SHISA6: variants seen among roughly 807,000 people sequenced by gnomAD.
The protein encoded by SHISA6 is protein shisa-6.
Under a neutral mutation model 47.9 loss-of-function variants are expected in SHISA6, and 22 were observed. The observed-to-expected ratio is 0.46, with a 90% confidence interval of 0.33 to 0.66. The LOEUF is 0.66. Among genes scored for constraint, SHISA6 ranks in the 30% least tolerant of loss-of-function variants. The probability of loss-of-function intolerance (pLI) is 0.02; values close to 1 mark genes in which losing one functional copy is unlikely to be tolerated. For missense variants in SHISA6, 680 were observed against 764.6 expected (o/e 0.89, Z 1.30); for synonymous variants, 388 against 337.8 (o/e 1.15, Z -1.63).
chr17:11,269,128 A>G (rs1323628069), intron 2 of SHISA6, among the ~76,000 whole-genome samples: 2 of 150,222 alleles, frequency 1.3e-5, no homozygotes, highest in South Asian at 2.1e-4. Context: ...TGCAACCTCC[A>G]CCTCCTGGGT....
intron 3 of SHISA6, among the ~76,000 whole-genome samples, chr17:11,397,395 C>CTGTGTGTGTGTGTGTG (rs3034221): frequency 0.036 from 5,061 of 140,356 alleles, 114 homozygotes; most frequent in Non-Finnish European, 0.047. Flanking sequence ...TTACCTGCCT[C>CTGTGTGTGTGTGTGTG]TGTGTGTGTG....
At chr17:11,365,951 T>C (rs1364413903) in intron 2 of SHISA6, among the ~76,000 whole-genome samples, 1 of 152,080 alleles carries the variant, frequency 6.6e-6, no homozygotes, top group Non-Finnish European at 1.5e-5. Context: ...AGAATCTAGG[T>C]TTACAAACAT....
intron 3 of SHISA6, among the ~76,000 whole-genome samples, chr17:11,546,508 A>C (rs1474341910): frequency 1.3e-5 from 2 of 152,254 alleles, no homozygotes; most frequent in Admixed American, 1.3e-4. Flanking sequence ...ATGACACAGA[A>C]AGGTTAGATA....
rs547157029 is a variant in SHISA6 at position 11,401,456 on chromosome 17, C to A, written c.895+21947C>A. 3.3e-5 allele frequency among the ~76,000 whole-genome samples: 5 copies of A among 152,284 alleles called. No individual in the cohort carries two copies. In the East Asian group the frequency reaches 9.7e-4, roughly 29 times the overall value. On this transcript the variant is annotated intron_variant, in intron 3 of 5. Transcript: ENST00000441885. ...TCAAGCAGTCTGCCTGCCTTGGCCTCCTAAAATGCTGAGATTATAGGCATG... is the reference window on the plus strand; with the variant it reads ...TCAAGCAGTCTGCCTGCCTTGGCCTACTAAAATGCTGAGATTATAGGCATG...
chr17:11,545,873 G>T (rs1054832988), intron 3 of SHISA6, among the ~76,000 whole-genome samples: 1 of 152,202 alleles, frequency 6.6e-6, no homozygotes, highest in African/African-American at 2.4e-5. Context: ...TGGAATCTAA[G>T]GTTGAGTGTG....
Position 11,515,286 on chromosome 17 carries a change from AAAG to A in SHISA6, c.896-36604_896-36602del, listed in dbSNP as rs201225880. On this transcript the variant is annotated intron_variant, in intron 3 of 5. Transcript: ENST00000441885. ...AAAAAGAAAATAGAGAAAGAAAAGA[AAAG>A]AAGAAAGAGGAAGGAAGAAAGAAAA... 3.4e-3 allele frequency among the ~76,000 whole-genome samples: 505 copies of A among 148,586 alleles called. 13 individuals are homozygous for A. Among genetic ancestry groups the A allele is most frequent in the African/African-American group, 0.012 (477 of 40,232 alleles).
Position 11,291,445 on chromosome 17 carries a change from C to T in SHISA6, c.799+27919C>T, listed in dbSNP as rs557701816. Among the ~76,000 whole-genome samples the T allele has an allele frequency of 2.4e-4, 37 of 151,964 alleles. No individual in the cohort carries two copies. In the South Asian group the frequency reaches 7.1e-3, roughly 29 times the overall value. ...GATCACGAGATTAAGACCATCCTGGCCATCATGGTGAAACCCCGTCTCTAC... is the reference window on the plus strand; with the variant it reads ...GATCACGAGATTAAGACCATCCTGGTCATCATGGTGAAACCCCGTCTCTAC... On this transcript the variant is annotated intron_variant, in intron 2 of 5. Coordinates refer to ENST00000441885, the MANE Select transcript of SHISA6 (RefSeq NM_207386.4).
chr17:11,336,798 A>G (rs1259014424), intron 2 of SHISA6, among the ~76,000 whole-genome samples: 1 of 152,190 alleles, frequency 6.6e-6, no homozygotes, highest in Admixed American at 6.5e-5. Context: ...GAGCCGGCAC[A>G]TTGTGATACT....
intron 2 of SHISA6, among the ~76,000 whole-genome samples, chr17:11,315,982 G>A (rs1910498551): frequency 6.6e-6 from 1 of 152,104 alleles, no homozygotes; most frequent in Non-Finnish European, 1.5e-5. Context: ...TTATTTAAAA[G>A]TTGTATCAAA....
At chr17:11,297,920 T>C (rs1340514974) in intron 2 of SHISA6, among the ~76,000 whole-genome samples, 1 of 152,176 alleles carries the variant, frequency 6.6e-6, no homozygotes, top group African/African-American at 2.4e-5. Flanking sequence ...ATCTGGTGGT[T>C]GGAGGACGAG....
chr17:11,260,296 A>G (rs1467452400), intron 1 of SHISA6, among the ~76,000 whole-genome samples: 1 of 152,108 alleles, frequency 6.6e-6, no homozygotes, highest in African/African-American at 2.4e-5. Flanking sequence ...CTTTTGTTTG[A>G]TATATCAGAT....
intron 3 of SHISA6, among the ~76,000 whole-genome samples, chr17:11,537,596 G>A (rs2071798350): frequency 6.6e-6 from 1 of 152,148 alleles, no homozygotes; most frequent in Admixed American, 6.5e-5. Context: ...CCTGGCTACA[G>A]GCCCAGAATA....
At chr17:11,386,883 T>A (rs1913213490) in intron 3 of SHISA6, among the ~76,000 whole-genome samples, 1 of 152,182 alleles carries the variant, frequency 6.6e-6, no homozygotes, top group Non-Finnish European at 1.5e-5. Context: ...CCCAGGACTG[T>A]CCAGTTTTAA....
intron 2 of SHISA6, among the ~76,000 whole-genome samples, chr17:11,355,705 G>A (rs1038759662): frequency 1.3e-5 from 2 of 152,196 alleles, no homozygotes; most frequent in Non-Finnish European, 2.9e-5. Flanking sequence ...ATTGAAAACT[G>A]GCTGGAAAGG....
intron 3 of SHISA6, among the ~76,000 whole-genome samples, chr17:11,432,211 T>C (rs547739593): frequency 2.1e-4 from 32 of 152,186 alleles, no homozygotes; most frequent in Non-Finnish European, 3.8e-4. Context: ...AAAATGGATT[T>C]CTGTGACTTC....
intron 2 of SHISA6, among the ~76,000 whole-genome samples, chr17:11,346,209 A>G (rs1326286979): frequency 1.3e-5 from 2 of 152,128 alleles, no homozygotes; most frequent in East Asian, 1.9e-4. Context: ...AGATAATCAT[A>G]TGGGTTTTTT....
chr17:11,307,547 A>T (rs1597450576), intron 2 of SHISA6, among the ~76,000 whole-genome samples: 1 of 152,184 alleles, frequency 6.6e-6, no homozygotes, highest in African/African-American at 2.4e-5. Context: ...AGTTGAGCTC[A>T]TAGGCACATA....
At chr17:11,348,563 A>C (rs11869319) in intron 2 of SHISA6, among the ~76,000 whole-genome samples, 32,962 of 151,966 alleles carry the variant, frequency 0.22, 3,998 homozygotes, top group African/African-American at 0.31. Flanking sequence ...ATATTCTATG[A>C]TCCCAATAGG....
At chr17:11,262,470 A>G (rs1908266414) in intron 1 of SHISA6, among the ~76,000 whole-genome samples, 1 of 152,240 alleles carries the variant, frequency 6.6e-6, no homozygotes, top group Non-Finnish European at 1.5e-5. Flanking sequence ...GGTATCTCAC[A>G]TGTCACACCC....
Sources: gnomAD v4.1 joint callset for allele counts (sites outside exome capture counted in the v4.1 genomes callset) on GRCh38, gnomAD v4.1.1 for gene constraint, MANE v1.5 for transcripts, NCBI Gene and HGNC (gene_info 2026-07-23, HGNC 2026-07-21) for gene names.